Variants in KIAA1328 observed in about 807,000 individuals in gnomAD.
KIAA1328 encodes the protein protein hinderin.
In KIAA1328, 52 loss-of-function variants were observed where a neutral mutation model predicts 68.1. The observed-to-expected ratio is 0.76, with a 90% CI of 0.61 to 0.96. The LOEUF (loss-of-function observed/expected upper bound fraction) is 0.96, where lower values mean the gene tolerates loss of function less well. Ranked by LOEUF, KIAA1328 falls within the 40% of genes least tolerant of loss-of-function variation. The pLI is 0.00. For synonymous variants in KIAA1328, 232 were observed against 239.4 expected (o/e 0.97, Z 0.28); for missense variants, 641 against 677.6 (o/e 0.95, Z 0.60).
In KIAA1328 at chr18:36,921,385, A is replaced by T. The variant is rs56332817; in HGVS notation, c.448+35713A>T. On this transcript the variant is annotated intron_variant, in intron 5 of 9. Transcript: ENST00000280020. ...AAAATAGCCTATAAAATTAGGAGTT[A>T]TACTTTTCTTTACTTATTATTTGTT... Among the ~76,000 whole-genome samples, 915 of 152,130 alleles carry T rather than the reference A, an allele frequency of 6.0e-3. 10 individuals are homozygous for T. The highest frequency in any genetic ancestry group is 0.02 in the African/African-American group (850 of 41,498).
At chr18:37,130,612 G>A (rs528686661) in intron 7 of KIAA1328, among the ~76,000 whole-genome samples, 20 of 151,212 alleles carry the variant, frequency 1.3e-4, no homozygotes, top group African/African-American at 4.8e-4. Context: ...GTGAGACTCC[G>A]TCTCAAAAAA....
intron 5 of KIAA1328, among the ~76,000 whole-genome samples, chr18:36,910,551 A>G (rs1484797227): frequency 1.3e-5 from 2 of 152,186 alleles, no homozygotes; most frequent in African/African-American, 4.8e-5. Flanking sequence ...GAAGTCAGGT[A>G]GCGTGATGCC....
intron 6 of KIAA1328, among the ~76,000 whole-genome samples, chr18:36,974,368 A>G (rs1598866265): frequency 6.6e-6 from 1 of 152,086 alleles, no homozygotes; most frequent in Non-Finnish European, 1.5e-5. Context: ...ATTCCACATT[A>G]TCTAGCTCTC....
In KIAA1328 at chr18:37,198,594, A is replaced by G. The variant is rs538495962; in HGVS notation, c.1524-23423A>G. ...GCTCTTGGTTATCCAGTAAGCAATA[A>G]AATATTGAAAGTTCTAGAGCAGATA... On this transcript the variant is annotated intron_variant, in intron 9 of 9. Transcript: ENST00000280020. Among the ~76,000 whole-genome samples, 4 of 152,306 alleles carry G rather than the reference A, an allele frequency of 2.6e-5. No homozygotes were observed. The South Asian group carries it at 8.3e-4, about 32-fold the overall frequency.
intron 4 of KIAA1328, 56 bp downstream of exon 4, chr18:36,844,358 A>G: frequency 8.5e-7 from 1 of 1,180,816 alleles, no homozygotes. Flanking sequence ...CTCTTATTGA[A>G]AACAGAAAAT....
rs896505255 is a variant in KIAA1328 at position 36,998,701 on chromosome 18, A to G, written c.576+39266A>G. On this transcript the variant is annotated intron_variant, in intron 6 of 9. Coordinates refer to ENST00000280020, the MANE Select transcript of KIAA1328 (RefSeq NM_020776.3). Reference sequence around the variant, plus strand: ...TTACAGCCAAAGAAATCATACAGAGACTACATTACTACATGCACCCAGAAT... The same window carrying G: ...TTACAGCCAAAGAAATCATACAGAGGCTACATTACTACATGCACCCAGAAT... Among the ~76,000 whole-genome samples, 4 of 152,286 alleles carry G rather than the reference A, an allele frequency of 2.6e-5. No homozygotes were observed. The East Asian group carries it at 7.7e-4, about 29-fold the overall frequency.
chr18:37,142,950 T>TG (rs1324408735), intron 7 of KIAA1328, among the ~76,000 whole-genome samples: 7 of 151,426 alleles, frequency 4.6e-5, no homozygotes, highest in East Asian at 1.9e-4. Context: ...TGGTTTTTTT[T>TG]TTTTGTTTTT....
At chr18:37,030,837 C>T (rs2054795116) in intron 6 of KIAA1328, among the ~76,000 whole-genome samples, 1 of 151,944 alleles carries the variant, frequency 6.6e-6, no homozygotes, top group Non-Finnish European at 1.5e-5. Flanking sequence ...CTCCTATGCC[C>T]CCACCCCCCG....
At chr18:37,172,004 A>C (rs934161957) in intron 8 of KIAA1328, among the ~76,000 whole-genome samples, 1 of 152,248 alleles carries the variant, frequency 6.6e-6, no homozygotes, top group African/African-American at 2.4e-5. Flanking sequence ...GCTAATCGCT[A>C]TAGCTGTAAG....
rs560952982 is a variant in KIAA1328 at position 36,899,273 on chromosome 18, T to C, written c.448+13601T>C. Among the ~76,000 whole-genome samples the C allele has an allele frequency of 4.6e-5, 7 of 152,122 alleles. No individual in the cohort carries two copies. The South Asian group carries it at 1.4e-3, about 31-fold the overall frequency. ...TGACTTTTAGTATATGTTTATTGTC[T>C]GTTTCCTTCATAAGGCATTATTTCT... On this transcript the variant is annotated intron_variant, in intron 5 of 9. Transcript: ENST00000280020.
chr18:37,172,023 C>T (rs942506030), intron 8 of KIAA1328, among the ~76,000 whole-genome samples: 1 of 152,204 alleles, frequency 6.6e-6, no homozygotes, highest in Non-Finnish European at 1.5e-5. Flanking sequence ...AGACTCTAGC[C>T]TTCTCTATGC....
At chr18:36,950,667 G>A (rs1039332978) in intron 5 of KIAA1328, among the ~76,000 whole-genome samples, 10 of 152,106 alleles carry the variant, frequency 6.6e-5, no homozygotes, top group African/African-American at 9.7e-5. Flanking sequence ...TAGGCAGAAC[G>A]TTATGCCTAG....
intron 7 of KIAA1328, among the ~76,000 whole-genome samples, chr18:37,114,618 A>G (rs1294796199): frequency 6.6e-6 from 1 of 152,226 alleles, no homozygotes; most frequent in South Asian, 2.1e-4. Context: ...GCAAGAGCAA[A>G]CACATTCAAA....
chr18:37,069,007 T>C (rs978476351), intron 7 of KIAA1328, among the ~76,000 whole-genome samples: 3 of 152,140 alleles, frequency 2.0e-5, no homozygotes, highest in African/African-American at 7.2e-5. Context: ...ATCTTTTTTT[T>C]CTGTTACGGA....
intron 7 of KIAA1328, among the ~76,000 whole-genome samples, chr18:37,128,918 T>G (rs1480320769): frequency 6.6e-6 from 1 of 150,694 alleles, no homozygotes; most frequent in African/African-American, 2.4e-5. Flanking sequence ...AAAGACCATA[T>G]ATGGTATGAT....
At chr18:36,875,614 C>A (rs1284290804) in intron 4 of KIAA1328, among the ~76,000 whole-genome samples, 1 of 152,206 alleles carries the variant, frequency 6.6e-6, no homozygotes, top group Non-Finnish European at 1.5e-5. Flanking sequence ...CATCTGCAAA[C>A]AGAGACAATT....
chr18:37,141,454 T>G (rs2154208194), intron 7 of KIAA1328, among the ~76,000 whole-genome samples: 1 of 152,324 alleles, frequency 6.6e-6, no homozygotes, highest in African/African-American at 2.4e-5. Flanking sequence ...TAGAAGTAAT[T>G]CATTGTATAA....
intron 9 of KIAA1328, among the ~76,000 whole-genome samples, chr18:37,215,191 A>G (rs2060403451): frequency 6.6e-6 from 1 of 152,164 alleles, no homozygotes; most frequent in Admixed American, 6.5e-5. Context: ...ACTATGTTGA[A>G]TAGGAGTGGT....
intron 7 of KIAA1328, among the ~76,000 whole-genome samples, chr18:37,084,653 TTATC>T (rs1356599764): frequency 6.6e-6 from 1 of 152,164 alleles, no homozygotes; most frequent in Non-Finnish European, 1.5e-5. Context: ...TGCTCAATAT[TTATC>T]TATTAGTCTG....
Sources: allele counts gnomAD v4.1 joint callset (sites outside exome capture counted in the v4.1 genomes callset), GRCh38; gene constraint gnomAD v4.1.1; transcripts MANE v1.5; gene names NCBI Gene and HGNC (gene_info 2026-07-23, HGNC 2026-07-21).